Variants in PPFIA2 observed in about 807,000 individuals in gnomAD.
The protein encoded by PPFIA2 is PPFI scaffold protein A2.
In PPFIA2, 46 loss-of-function variants were observed where a neutral mutation model predicts 175.5. The ratio of observed to expected loss-of-function variants is 0.26; its 90% CI spans 0.21 to 0.34. The LOEUF (loss-of-function observed/expected upper bound fraction) is 0.34. Among genes scored for constraint, PPFIA2 ranks in the 10% least tolerant of loss-of-function variants. The probability of loss-of-function intolerance (pLI) is 1.00; values close to 1 mark genes in which losing one functional copy is unlikely to be tolerated. For synonymous variants in PPFIA2, 568 were observed against 511.4 expected (o/e 1.11, Z -1.49); for missense variants, 1,179 against 1,506.1 (o/e 0.78, Z 3.60).
At chr12:81,555,459 C>T (rs1348168215) in intron 4 of PPFIA2, among the ~76,000 whole-genome samples, 2 of 151,918 alleles carry the variant, frequency 1.3e-5, no homozygotes, top group African/African-American at 4.8e-5. Flanking sequence ...GATGTTGGCA[C>T]ATTAATCCTT....
intron 4 of PPFIA2, chr12:81,545,976 T>C (rs1164852618): frequency 2.0e-5 from 3 of 151,758 alleles, no homozygotes; most frequent in Non-Finnish European, 2.9e-5. Context: ...ATACAAAAAT[T>C]AGCCAGAGGT....
At chr12:81,586,724 T>C (rs1179955918) in intron 4 of PPFIA2, among the ~76,000 whole-genome samples, 1 of 151,782 alleles carries the variant, frequency 6.6e-6, no homozygotes, top group African/African-American at 2.4e-5. Flanking sequence ...ATAATGTATA[T>C]ATTATAAGGA....
chr12:81,382,757 T>C (rs575833997), intron 9 of PPFIA2, among the ~76,000 whole-genome samples: 1 of 152,162 alleles, frequency 6.6e-6, no homozygotes, highest in South Asian at 2.1e-4. Context: ...AATTTTGAGA[T>C]ATCCCTTAGT....
chr12:81,446,434 G>A (rs1050048325), intron 5 of PPFIA2, among the ~76,000 whole-genome samples: 2 of 152,154 alleles, frequency 1.3e-5, no homozygotes, highest in Non-Finnish European at 1.5e-5. Flanking sequence ...TGCCAGAGGA[G>A]TTCTGCTTTG....
chr12:81,520,040 C>T (rs775892644), intron 4 of PPFIA2, among the ~76,000 whole-genome samples: 27 of 152,194 alleles, frequency 1.8e-4, no homozygotes, highest in Non-Finnish European at 3.4e-4. Context: ...TGTTTTCACA[C>T]TTCTCCTTGT....
intron 11 of PPFIA2, among the ~76,000 whole-genome samples, chr12:81,371,025 T>C (rs2034947489): frequency 6.6e-6 from 1 of 151,902 alleles, no homozygotes; most frequent in South Asian, 2.1e-4. Context: ...ATGCAATAAA[T>C]TCAAATTTAA....
chr12:81,683,631 T>C (rs1331362161), intron 3 of PPFIA2, among the ~76,000 whole-genome samples: 2 of 152,020 alleles, frequency 1.3e-5, no homozygotes, highest in Non-Finnish European at 2.9e-5. Flanking sequence ...CACAATGGCG[T>C]CCTTATTATT....
At chr12:81,492,214 C>T (rs1391227900) in intron 4 of PPFIA2, among the ~76,000 whole-genome samples, 1 of 151,064 alleles carries the variant, frequency 6.6e-6, no homozygotes, top group Non-Finnish European at 1.5e-5. Flanking sequence ...CACAAAAAGT[C>T]TCAATTACTC....
chr12:81,540,296 AG>A, intron 4 of PPFIA2, among the ~76,000 whole-genome samples: 1 of 152,208 alleles, frequency 6.6e-6, no homozygotes, highest in African/African-American at 2.4e-5. Context: ...CATAAGACTT[AG>A]CAATTAAGAA....
chr12:81,443,430 T>C (rs748098138), intron 6 of PPFIA2, among the ~76,000 whole-genome samples: 1 of 152,088 alleles, frequency 6.6e-6, no homozygotes, highest in South Asian at 2.1e-4. Context: ...CATATTATTA[T>C]AGCTCCTAGG....
intron 4 of PPFIA2, among the ~76,000 whole-genome samples, chr12:81,569,743 A>G (rs941245110): frequency 2.0e-5 from 3 of 152,168 alleles, no homozygotes; most frequent in African/African-American, 7.2e-5. Flanking sequence ...GCACTTAATC[A>G]ATACAAGGAT....
chr12:81,352,765 A>G lies in PPFIA2; in HGVS notation c.1994+354T>C, dbSNP rs79459158. Among the ~76,000 whole-genome samples the G allele has an allele frequency of 1.5e-3, 228 of 152,244 alleles. 4 individuals carry two copies. In the East Asian group the frequency reaches 0.028, roughly 19 times the overall value. ...TATCTGAAGAATGTACGTGATTACCACACACACTTTCCCTTTAAGTAGTAA... is the reference window on the plus strand; with the variant it reads ...TATCTGAAGAATGTACGTGATTACCGCACACACTTTCCCTTTAAGTAGTAA... On this transcript the variant is annotated intron_variant, in intron 17 of 32. Transcript: ENST00000549396.
At chr12:81,498,877 C>G (rs1281174915) in intron 4 of PPFIA2, among the ~76,000 whole-genome samples, 1 of 152,140 alleles carries the variant, frequency 6.6e-6, no homozygotes, top group African/African-American at 2.4e-5. Flanking sequence ...CCTGCCTTGG[C>G]CTCCCAAATT....
chr12:81,624,384 A>G (rs1228375346), intron 4 of PPFIA2, among the ~76,000 whole-genome samples: 1 of 148,514 alleles, frequency 6.7e-6, no homozygotes, highest in Admixed American at 6.8e-5. Context: ...ACTATAAAAT[A>G]TATATACTGA....
At chr12:81,269,106 C>T (rs2038309678) in intron 28 of PPFIA2, among the ~76,000 whole-genome samples, 1 of 150,616 alleles carries the variant, frequency 6.6e-6, no homozygotes, top group Admixed American at 6.6e-5. Context: ...AATGCCGTTT[C>T]TTTTTTTTTA....
chr12:81,555,450 A>C (rs2068682646), intron 4 of PPFIA2, among the ~76,000 whole-genome samples: 1 of 151,976 alleles, frequency 6.6e-6, no homozygotes. Flanking sequence ...TTAATGAATG[A>C]TGTTGGCACA....
chr12:81,672,621 C>A (rs1409832916), intron 4 of PPFIA2, among the ~76,000 whole-genome samples: 1 of 151,908 alleles, frequency 6.6e-6, no homozygotes, highest in African/African-American at 2.4e-5. Flanking sequence ...AGGAAAAAAA[C>A]TAAACTTAGA....
chr12:81,497,495 T>G (rs1200818700), intron 4 of PPFIA2, among the ~76,000 whole-genome samples: 1 of 151,368 alleles, frequency 6.6e-6, no homozygotes, highest in African/African-American at 2.4e-5. Flanking sequence ...CTTCCCCATG[T>G]TAGTCTTTAA....
chr12:81,371,950 C>T (rs1191681037), intron 11 of PPFIA2, among the ~76,000 whole-genome samples: 1 of 150,840 alleles, frequency 6.6e-6, no homozygotes, highest in Non-Finnish European at 1.5e-5. Flanking sequence ...CACACAAACA[C>T]ATTAGAAGGA....
Sources: gnomAD v4.1 joint callset for allele counts (sites outside exome capture counted in the v4.1 genomes callset) on GRCh38, gnomAD v4.1.1 for gene constraint, MANE v1.5 for transcripts, NCBI Gene and HGNC (gene_info 2026-07-23, HGNC 2026-07-21) for gene names.